Variants in ADK observed in about 807,000 individuals in gnomAD.
ADK encodes N6,N6-dimethyladenosine kinase.
A neutral mutation model predicts 44.7 loss-of-function variants in ADK; 24 were observed. That is an observed-to-expected ratio of 0.54 (90% CI 0.39 to 0.76). ADK has a LOEUF of 0.76. Among genes scored for constraint, ADK ranks in the 30% least tolerant of loss-of-function variants. ADK has a pLI of 0.00. For missense variants in ADK, 321 were observed against 425.1 expected (o/e 0.76, Z 2.15); for synonymous variants, 128 against 142.6 (o/e 0.90, Z 0.73).
intron 10 of ADK, among the ~76,000 whole-genome samples, chr10:74,681,371 C>T (rs188965880): frequency 9.2e-5 from 14 of 152,274 alleles, no homozygotes; most frequent in Middle Eastern, 3.4e-3. Context: ...TTTGGTGGCT[C>T]ATGATGTCAC....
intron 3 of ADK, among the ~76,000 whole-genome samples, chr10:74,293,905 C>G (rs1189021628): frequency 6.6e-6 from 1 of 152,160 alleles, no homozygotes; most frequent in African/African-American, 2.4e-5. Context: ...AGAAATAGAA[C>G]TTGGCCAGCA....
intron 6 of ADK, among the ~76,000 whole-genome samples, chr10:74,410,071 G>C (rs1904061): frequency 0.6 from 90,531 of 151,912 alleles, 29,774 homozygotes; most frequent in Middle Eastern, 0.77. Flanking sequence ...GAAATTTTAC[G>C]TGTCAGTAAT....
chr10:74,678,932 C>T (rs953719018), intron 10 of ADK, among the ~76,000 whole-genome samples: 1 of 152,192 alleles, frequency 6.6e-6, no homozygotes, highest in African/African-American at 2.4e-5. Flanking sequence ...TATCAGTTAG[C>T]TTTTACTGCA....
chr10:74,703,682 G>C (rs7087566), intron 10 of ADK, among the ~76,000 whole-genome samples: 104,628 of 152,028 alleles, frequency 0.69, 36,354 homozygotes, highest in Middle Eastern at 0.8. Context: ...TTGGGTAATT[G>C]ACTAAATTGA....
chr10:74,686,999 C>T (rs753503633), intron 10 of ADK, among the ~76,000 whole-genome samples: 7 of 152,072 alleles, frequency 4.6e-5, no homozygotes, highest in Admixed American at 3.3e-4. Flanking sequence ...TCTAAGCCTC[C>T]GTTTCCTCAT....
At chr10:74,258,603 A>G (rs1467207764) in intron 3 of ADK, among the ~76,000 whole-genome samples, 7 of 152,222 alleles carry the variant, frequency 4.6e-5, no homozygotes, top group Admixed American at 2.6e-4. Context: ...TTAATACAAC[A>G]GATTTAGAAG....
chr10:74,627,132 T>A (rs1003184525), intron 9 of ADK, among the ~76,000 whole-genome samples: 1 of 152,074 alleles, frequency 6.6e-6, no homozygotes, highest in South Asian at 2.1e-4. Context: ...CATATATATA[T>A]AAGCTTTTTG....
rs376972452 is a variant in ADK, at chr10:74,657,711, G to A, written c.878-12472G>A. Among the ~76,000 whole-genome samples the A allele has an allele frequency of 9.0e-4, 137 of 152,236 alleles. 2 individuals are homozygous for A. In the South Asian group the frequency reaches 0.028, roughly 31 times the overall value. ...TAATTGTTAATTGAGCACCTACTCTGTACTAGATACAGTACTAAGAGCTGG... is the reference window on the plus strand; with the variant it reads ...TAATTGTTAATTGAGCACCTACTCTATACTAGATACAGTACTAAGAGCTGG... On this transcript the variant is annotated intron_variant, in intron 9 of 10. Transcript: ENST00000539909.
At chr10:74,249,493 G>C (rs879450964) in intron 3 of ADK, among the ~76,000 whole-genome samples, 1 of 100,232 alleles carries the variant, frequency 1.0e-5, no homozygotes, top group Non-Finnish European at 2.2e-5. Context: ...GCATGTACAT[G>C]CATACACACA....
chr10:74,614,287 AT>A (rs1721904136), intron 9 of ADK, among the ~76,000 whole-genome samples: 1 of 152,156 alleles, frequency 6.6e-6, no homozygotes, highest in South Asian at 2.1e-4. Flanking sequence ...TATAAGCCCT[AT>A]TATAGCACTG....
chr10:74,558,940 A>C (rs1053495440), intron 7 of ADK, among the ~76,000 whole-genome samples: 5 of 152,232 alleles, frequency 3.3e-5, no homozygotes, highest in African/African-American at 1.2e-4. Context: ...GACTAACTTT[A>C]GGCTTTGAAG....
chr10:74,411,912 C>T (rs1347704211), intron 6 of ADK, among the ~76,000 whole-genome samples: 7 of 152,198 alleles, frequency 4.6e-5, no homozygotes, highest in Admixed American at 2.6e-4. Context: ...AGCGTGTTCA[C>T]CAGGAGTAGA....
chr10:74,279,005 G>A (rs1846810526), intron 3 of ADK, among the ~76,000 whole-genome samples: 1 of 152,192 alleles, frequency 6.6e-6, no homozygotes, highest in African/African-American at 2.4e-5. Flanking sequence ...GGCCAGCTGG[G>A]CGCGGTGGCT....
In ADK at chr10:74,695,619, G is replaced by GGTGTGT. The variant is rs749294668; in HGVS notation, c.965-12668_965-12663dup. Reference sequence around the variant, plus strand: ...TTTTACAATTCCTGTGTATGTGTGGGGTGTGTGTGTGTGTGTGTGTGTGTG... The same window carrying GGTGTGT: ...TTTTACAATTCCTGTGTATGTGTGGGGTGTGTGTGTGTGTGTGTGTGTGTGTGTGTG... On this transcript the variant is annotated intron_variant, in intron 10 of 10. Transcript: ENST00000539909. 8.5e-3 allele frequency among the ~76,000 whole-genome samples: 763 copies of GGTGTGT among 90,090 alleles called. 5 individuals carry two copies. The highest frequency in any genetic ancestry group is 0.014 in the Non-Finnish European group (540 of 39,092). The allele number at this position is 90,090 out of a possible 152,430, so 59.1% of individuals were successfully genotyped here.
chr10:74,521,385 G>A (rs1394390371), intron 6 of ADK, among the ~76,000 whole-genome samples: 2 of 152,092 alleles, frequency 1.3e-5, no homozygotes, highest in East Asian at 1.9e-4. Context: ...CACACACACA[G>A]CATACATACA....
chr10:74,179,521 A>G (rs1238855888), intron 1 of ADK, among the ~76,000 whole-genome samples: 1 of 152,208 alleles, frequency 6.6e-6, no homozygotes, highest in East Asian at 1.9e-4. Context: ...ACTTCTGGTC[A>G]TCCTCACTGC....
At chr10:74,188,507 C>G (rs1350997720) in intron 1 of ADK, among the ~76,000 whole-genome samples, 1 of 151,610 alleles carries the variant, frequency 6.6e-6, no homozygotes, top group Non-Finnish European at 1.5e-5. Context: ...CGCCACCACA[C>G]CCGGCTAATT....
intron 1 of ADK, among the ~76,000 whole-genome samples, chr10:74,162,584 G>A (rs867385161): frequency 6.7e-6 from 1 of 149,264 alleles, no homozygotes; most frequent in African/African-American, 2.5e-5. Context: ...TCACTGTGTC[G>A]CCCAGGCTAG....
chr10:74,197,711 GA>G (rs368410323), intron 1 of ADK, among the ~76,000 whole-genome samples: 27 of 140,178 alleles, frequency 1.9e-4, no homozygotes, highest in South Asian at 8.8e-4. Flanking sequence ...AAAAAAAAAA[GA>G]AAAAAAAAAA....
Sources: gnomAD v4.1 joint callset for allele counts (sites outside exome capture counted in the v4.1 genomes callset) on GRCh38, gnomAD v4.1.1 for gene constraint, MANE v1.5 for transcripts, NCBI Gene and HGNC (gene_info 2026-07-23, HGNC 2026-07-21) for gene names.